RERG: variants seen among roughly 807,000 people sequenced by gnomAD.
The protein encoded by RERG is RAS like estrogen regulated growth inhibitor, also known as ras-related and estrogen-regulated growth inhibitor.
In RERG, 25 loss-of-function variants were observed where a neutral mutation model predicts 23.2. The ratio of observed to expected loss-of-function variants is 1.08; its 90% confidence interval spans 0.79 to 1.50. The LOEUF (loss-of-function observed/expected upper bound fraction) is 1.50. Ranked by LOEUF, RERG falls within the 40% of genes most tolerant of loss-of-function variation. RERG has a pLI of 0.00. For synonymous variants in RERG, 81 were observed against 89.1 expected (o/e 0.91, Z 0.51); for missense variants, 253 against 250.1 (o/e 1.01, Z -0.08).
chr12:15,196,926 T>A (rs1865153130), intron 2 of RERG, among the ~76,000 whole-genome samples: 1 of 151,908 alleles, frequency 6.6e-6, no homozygotes, highest in East Asian at 1.9e-4. Context: ...TAACCAAACC[T>A]CCTAATTGTT....
At chr12:15,115,278 T>C (rs982260890) in intron 3 of RERG, among the ~76,000 whole-genome samples, 1 of 152,200 alleles carries the variant, frequency 6.6e-6, no homozygotes, top group African/African-American at 2.4e-5. Flanking sequence ...ATATTGCTAT[T>C]AGCTCCATTT....
chr12:15,176,709 A>G (rs549835445), intron 2 of RERG, among the ~76,000 whole-genome samples: 49 of 152,292 alleles, frequency 3.2e-4, no homozygotes, highest in African/African-American at 9.4e-4. Flanking sequence ...AAAATACCCA[A>G]AAAAGCTAGC....
chr12:15,177,140 G>A (rs1033680054), intron 2 of RERG, among the ~76,000 whole-genome samples: 2 of 152,172 alleles, frequency 1.3e-5, no homozygotes, highest in Non-Finnish European at 2.9e-5. Context: ...GGCATGATAA[G>A]TTCTAGTTTC....
chr12:15,115,617 C>A (rs746540952), intron 3 of RERG, among the ~76,000 whole-genome samples: 1 of 151,342 alleles, frequency 6.6e-6, no homozygotes, highest in Non-Finnish European at 1.5e-5. Context: ...AAATCATTAA[C>A]CAACCAACCA....
At chr12:15,146,836 C>A (rs1174902134) in intron 2 of RERG, among the ~76,000 whole-genome samples, 2 of 152,146 alleles carry the variant, frequency 1.3e-5, no homozygotes, top group Non-Finnish European at 2.9e-5. Flanking sequence ...TTACTTTCAG[C>A]GATTTGGCCT....
intron 2 of RERG, among the ~76,000 whole-genome samples, chr12:15,202,276 TTA>T (rs745926237): frequency 4.6e-5 from 7 of 151,798 alleles, no homozygotes; most frequent in Non-Finnish European, 8.9e-5. Context: ...TGTGTCTATT[TTA>T]TATGTCTGTG....
At chr12:15,176,651 T>C (rs1361486202) in intron 2 of RERG, among the ~76,000 whole-genome samples, 2 of 152,112 alleles carry the variant, frequency 1.3e-5, no homozygotes, top group African/African-American at 4.8e-5. Context: ...GCTGAACAGG[T>C]TGGTTTTTCT....
chr12:15,126,603 A>G (rs934553677), intron 2 of RERG, among the ~76,000 whole-genome samples: 3 of 152,192 alleles, frequency 2.0e-5, no homozygotes, highest in African/African-American at 7.2e-5. Flanking sequence ...ATAAACTAAT[A>G]GCTTGTCAGT....
At chr12:15,182,121 C>T (rs1006724805) in intron 2 of RERG, among the ~76,000 whole-genome samples, 10 of 149,130 alleles carry the variant, frequency 6.7e-5, no homozygotes, top group Non-Finnish European at 1.0e-4. Context: ...TGCAATGGCG[C>T]GATCTTGGCT....
At chr12:15,147,750 TG>T (rs1162557509) in intron 2 of RERG, among the ~76,000 whole-genome samples, 1 of 152,184 alleles carries the variant, frequency 6.6e-6, no homozygotes, top group Non-Finnish European at 1.5e-5. Flanking sequence ...AGAGAGACCA[TG>T]GAGTTGTTTA....
intron 2 of RERG, among the ~76,000 whole-genome samples, chr12:15,196,366 T>C (rs758841342): frequency 6.6e-5 from 10 of 152,302 alleles, no homozygotes; most frequent in Middle Eastern, 6.8e-3. Flanking sequence ...CTGAGATAAT[T>C]AACACTGTCA....
intron 2 of RERG, among the ~76,000 whole-genome samples, chr12:15,164,295 T>C (rs932837386): frequency 2.6e-5 from 4 of 152,202 alleles, no homozygotes; most frequent in African/African-American, 9.6e-5. Context: ...CACCAAACTT[T>C]AGACTTCTCC....
At chr12:15,144,325 C>A (rs900796030) in intron 2 of RERG, among the ~76,000 whole-genome samples, 2 of 152,080 alleles carry the variant, frequency 1.3e-5, no homozygotes, top group African/African-American at 4.8e-5. Flanking sequence ...GAAAGAGATA[C>A]AAATTTGCAA....
intron 2 of RERG, 170 bp downstream of exon 2, chr12:15,217,259 C>CAAA: frequency 1.7e-6 from 1 of 584,304 alleles, no homozygotes; most frequent in East Asian, 2.8e-5. Context: ...GGATACGTAA[C>CAAA]AGTCGATTAC....
At chr12:15,110,552 C>T (rs796172661) in intron 4 of RERG, among the ~76,000 whole-genome samples, 22 of 137,988 alleles carry the variant, frequency 1.6e-4, no homozygotes, top group African/African-American at 5.4e-4. Context: ...GATCTTGGCT[C>T]GCTGCAAGCT....
chr12:15,129,446 CTA>C (rs1447546648), intron 2 of RERG, among the ~76,000 whole-genome samples: 1 of 152,164 alleles, frequency 6.6e-6, no homozygotes, highest in African/African-American at 2.4e-5. Flanking sequence ...CCTATCAAAT[CTA>C]TCTCTCTTTC....
chr12:15,147,774 A>C (rs569714042), intron 2 of RERG, among the ~76,000 whole-genome samples: 2 of 152,348 alleles, frequency 1.3e-5, no homozygotes, highest in Admixed American at 1.3e-4. Flanking sequence ...ACTTGGGAAA[A>C]TGTATGTTTA....
At chr12:15,208,878 A>C (rs1865329461) in intron 2 of RERG, among the ~76,000 whole-genome samples, 1 of 152,150 alleles carries the variant, frequency 6.6e-6, no homozygotes, top group African/African-American at 2.4e-5. Context: ...TTCTCTGATA[A>C]GGCGTAAGTC....
intron 2 of RERG, among the ~76,000 whole-genome samples, chr12:15,142,504 G>C (rs888722680): frequency 6.6e-6 from 1 of 152,096 alleles, no homozygotes; most frequent in Non-Finnish European, 1.5e-5. Flanking sequence ...GCTCATCAAA[G>C]ATTGTTTTGC....
Sources: gnomAD v4.1 joint callset for allele counts (sites outside exome capture counted in the v4.1 genomes callset) on GRCh38, gnomAD v4.1.1 for gene constraint, MANE v1.5 for transcripts, NCBI Gene and HGNC (gene_info 2026-07-23, HGNC 2026-07-21) for gene names.